KAZN: variants seen among roughly 807,000 people sequenced by gnomAD.
KAZN encodes the protein kazrin.
Under a neutral mutation model 87.4 loss-of-function variants are expected in KAZN, and 40 were observed. That is an observed-to-expected ratio of 0.46 (90% CI 0.36 to 0.60). KAZN has a LOEUF of 0.60. Among genes scored for constraint, KAZN ranks in the 20% least tolerant of loss-of-function variants. KAZN has a pLI of 0.00. For synonymous variants in KAZN, 466 were observed against 458.3 expected (o/e 1.02, Z -0.22); for missense variants, 898 against 1,073.9 (o/e 0.84, Z 2.29).
At chr1:14,729,032 CAGAT>C (rs1643553895) in intron 1 of KAZN, among the ~76,000 whole-genome samples, 1 of 91,706 alleles carries the variant, frequency 1.1e-5, no homozygotes, top group Non-Finnish European at 2.0e-5. Flanking sequence ...TCCTGGGTGA[CAGAT>C]GGAGAGTGGC....
chr1:14,978,776 G>A (rs977977622), intron 2 of KAZN, among the ~76,000 whole-genome samples: 5 of 152,102 alleles, frequency 3.3e-5, no homozygotes, highest in Admixed American at 2.0e-4. Flanking sequence ...TTTCTGAGCT[G>A]CTCCTAGAAG....
intron 2 of KAZN, among the ~76,000 whole-genome samples, chr1:14,378,051 A>G (rs1489318191): frequency 6.6e-6 from 1 of 152,142 alleles, no homozygotes; most frequent in East Asian, 1.9e-4. Context: ...TTTTTCATGT[A>G]TTTGTTTATT....
chr1:14,071,267 C>T (rs1406700523), intron 1 of KAZN, among the ~76,000 whole-genome samples: 3 of 152,134 alleles, frequency 2.0e-5, no homozygotes, highest in Non-Finnish European at 4.4e-5. Context: ...ACTAGTAGGT[C>T]TCATCTATGT....
chr1:14,417,315 G>A (rs1296008658), intron 2 of KAZN, among the ~76,000 whole-genome samples: 3 of 152,184 alleles, frequency 2.0e-5, no homozygotes, highest in Admixed American at 6.5e-5. Flanking sequence ...ATTGCACCAG[G>A]CTACTGAGTG....
chr1:14,665,388 G>T (rs1292640336), intron 1 of KAZN, among the ~76,000 whole-genome samples: 2 of 152,102 alleles, frequency 1.3e-5, no homozygotes, highest in Non-Finnish European at 2.9e-5. Context: ...TCAAAGGAAT[G>T]ACATTTATCG....
chr1:15,014,815 G>T (rs569483102), intron 2 of KAZN, among the ~76,000 whole-genome samples: 7 of 152,200 alleles, frequency 4.6e-5, no homozygotes, highest in African/African-American at 2.4e-5. Context: ...GGCAGTCAGC[G>T]TGTGGGGCTG....
chr1:15,059,813 G>A lies in KAZN; in HGVS notation c.917-359G>A, dbSNP rs561026073. ...GAGTACTCACGTATTAATGCATCAC[G>A]GTGCTGCTTAGAAATGAATTTATAA... On this transcript the variant is annotated intron_variant, in intron 5 of 14. Transcript: ENST00000376030. 3.3e-4 allele frequency among the ~76,000 whole-genome samples: 51 copies of A among 152,242 alleles called. No individual in the cohort carries two copies. The South Asian group carries it at 5.2e-3, about 15-fold the overall frequency.
intron 2 of KAZN, among the ~76,000 whole-genome samples, chr1:14,386,411 A>G (rs1242043025): frequency 2.0e-5 from 3 of 151,860 alleles, no homozygotes; most frequent in African/African-American, 7.3e-5. Context: ...CCTAGTCTCA[A>G]TGGTCTTTAC....
chr1:14,903,648 A>C (rs1392553200), intron 1 of KAZN, among the ~76,000 whole-genome samples: 1 of 152,202 alleles, frequency 6.6e-6, no homozygotes, highest in African/African-American at 2.4e-5. Flanking sequence ...TATTTGCTGT[A>C]ATGAAAGACA....
chr1:14,178,988 A>T (rs772119603), intron 1 of KAZN, among the ~76,000 whole-genome samples: 8 of 151,982 alleles, frequency 5.3e-5, no homozygotes, highest in African/African-American at 1.2e-4. Flanking sequence ...TTCCACCCAA[A>T]TTCCTCCTCT....
intron 1 of KAZN, among the ~76,000 whole-genome samples, chr1:14,859,839 C>T (rs1326593771): frequency 6.6e-6 from 1 of 152,176 alleles, no homozygotes; most frequent in Non-Finnish European, 1.5e-5. Context: ...GATTATCAGC[C>T]TTCAAATCTC....
intron 1 of KAZN, among the ~76,000 whole-genome samples, chr1:14,076,760 A>G (rs940535559): frequency 1.3e-5 from 2 of 152,160 alleles, no homozygotes; most frequent in Admixed American, 1.3e-4. Flanking sequence ...AAAGCCTAAA[A>G]TATTTATTAT....
rs1640961369 is a variant in KAZN at position 15,099,649 on chromosome 1, C to T, written c.1548-1894C>T. On this transcript the variant is annotated intron_variant, in intron 10 of 14. Transcript: ENST00000376030. The surrounding 1 kb of genome is among the most constrained non-coding windows in gnomAD (Gnocchi z 5.4). ...TCAGCCAGGGCCAGTGCAGGTGACC[C>T]TTGTGGACCATTCAAAGGACTTGCG... 6.6e-6 allele frequency among the ~76,000 whole-genome samples: 1 copy of T among 152,104 alleles called. No homozygotes were observed. The highest frequency in any genetic ancestry group is 2.4e-5 in the African/African-American group (1 of 41,412).
chr1:14,993,079 G>A (rs1454138118), intron 2 of KAZN, among the ~76,000 whole-genome samples: 4 of 146,642 alleles, frequency 2.7e-5, no homozygotes, highest in African/African-American at 7.6e-5. Flanking sequence ...TGCCCACCTC[G>A]ACCTCCCAAA....
At chr1:14,944,456 A>G (rs190770526) in intron 1 of KAZN, among the ~76,000 whole-genome samples, 1 of 152,292 alleles carries the variant, frequency 6.6e-6, no homozygotes, top group East Asian at 1.9e-4. Flanking sequence ...CGGCCCCTGG[A>G]GATGGGATGG....
At chr1:14,382,947 T>C (rs1181641187) in intron 2 of KAZN, among the ~76,000 whole-genome samples, 1 of 151,330 alleles carries the variant, frequency 6.6e-6, no homozygotes, top group Non-Finnish European at 1.5e-5. Flanking sequence ...GGTGTAAAAG[T>C]GTTCCTATTT....
intron 2 of KAZN, among the ~76,000 whole-genome samples, chr1:14,967,601 C>T (rs952829700): frequency 1.3e-5 from 2 of 152,262 alleles, no homozygotes; most frequent in African/African-American, 4.8e-5. Flanking sequence ...TCACAAGGGC[C>T]CTTGAAAGTA....
intron 2 of KAZN, among the ~76,000 whole-genome samples, chr1:14,480,981 A>G (rs945113737): frequency 1.3e-5 from 2 of 150,558 alleles, no homozygotes; most frequent in African/African-American, 4.9e-5. Context: ...TATATTACAC[A>G]CACAAGATGG....
intron 2 of KAZN, among the ~76,000 whole-genome samples, chr1:14,319,022 A>T (rs201032312): frequency 1.1e-5 from 1 of 93,008 alleles, no homozygotes; most frequent in Non-Finnish European, 2.3e-5. Context: ...TTATTTATTT[A>T]TTTATTTATT....
Sources: allele counts gnomAD v4.1 joint callset (sites outside exome capture counted in the v4.1 genomes callset), GRCh38; gene constraint gnomAD v4.1.1; non-coding constraint Gnocchi (gnomAD v3.1); transcripts MANE v1.5; gene names NCBI Gene and HGNC (gene_info 2026-07-23, HGNC 2026-07-21).